Variants in FARS2 observed in about 807,000 individuals in gnomAD.
FARS2 encodes phenylalanyl-tRNA synthetase 2, mitochondrial, also known as phenylalanine--tRNA ligase, mitochondrial.
A neutral mutation model predicts 46.4 loss-of-function variants in FARS2; 40 were observed. The observed-to-expected ratio is 0.86, with a 90% CI of 0.67 to 1.12. The LOEUF (loss-of-function observed/expected upper bound fraction) is 1.12, where lower values mean the gene tolerates loss of function less well. Among genes scored for constraint, FARS2 ranks in the 50% most tolerant of loss-of-function variants. The pLI is 0.00. For missense variants in FARS2, 513 were observed against 567.9 expected (o/e 0.90, Z 0.98); for synonymous variants, 234 against 214.9 (o/e 1.09, Z -0.78).
chr6:5,312,818 T>A (rs985738690), intron 1 of FARS2, among the ~76,000 whole-genome samples: 2 of 152,228 alleles, frequency 1.3e-5, no homozygotes, highest in South Asian at 2.1e-4. Flanking sequence ...CAGCCCTTTT[T>A]TTTAGGCTTA....
intron 5 of FARS2, among the ~76,000 whole-genome samples, chr6:5,570,368 G>T (rs1411172557): frequency 6.6e-6 from 1 of 152,170 alleles, no homozygotes; most frequent in Non-Finnish European, 1.5e-5. Flanking sequence ...GTATTATGGT[G>T]TGCACTTTGC....
chr6:5,754,596 T>C (rs924362474), intron 6 of FARS2, among the ~76,000 whole-genome samples: 1 of 152,262 alleles, frequency 6.6e-6, no homozygotes, highest in African/African-American at 2.4e-5. Flanking sequence ...TTCTTAGGTC[T>C]TTCTTCAAAG....
chr6:5,465,119 A>T (rs945772512), intron 4 of FARS2, among the ~76,000 whole-genome samples: 1 of 152,220 alleles, frequency 6.6e-6, no homozygotes. Context: ...AGGAATAGAT[A>T]TGTGGAACAT....
chr6:5,541,392 G>A (rs955365315), intron 4 of FARS2, among the ~76,000 whole-genome samples: 4 of 152,098 alleles, frequency 2.6e-5, no homozygotes, highest in Admixed American at 6.5e-5. Context: ...AGTTTTGAAG[G>A]ATATATACAG....
rs1488058702 is a variant in FARS2, at chr6:5,343,429, C to T, written c.-21-25121C>T. Among the ~76,000 whole-genome samples, 1 of 152,102 alleles carries T rather than the reference C, an allele frequency of 6.6e-6. No homozygotes were observed. Among genetic ancestry groups the T allele is most frequent in the African/African-American group, 2.4e-5 (1 of 41,392 alleles). ...GTTTCATCATATTGGTCAGGCTGGT[C>T]TGGAACTCCTGACCTCAGGTGATCC... On this transcript the variant is annotated intron_variant, in intron 1 of 6. Coordinates refer to ENST00000274680, the MANE Select transcript of FARS2 (RefSeq NM_006567.5). The surrounding 1 kb of genome is among the most constrained non-coding windows in gnomAD (Gnocchi z 4.5).
intron 6 of FARS2, among the ~76,000 whole-genome samples, chr6:5,761,808 T>TAAA (rs79057006): frequency 3.8e-5 from 4 of 105,918 alleles, no homozygotes; most frequent in African/African-American, 9.8e-5. Context: ...GTGGAGGATC[T>TAAA]AAAAAAAAAA....
At chr6:5,414,508 C>T (rs1762107665) in intron 3 of FARS2, among the ~76,000 whole-genome samples, 2 of 152,274 alleles carry the variant, frequency 1.3e-5, no homozygotes, top group Middle Eastern at 3.4e-3. Flanking sequence ...TCAAGGAAAT[C>T]CTATTGTATG....
chr6:5,365,514 T>TAA (rs1758615544), intron 1 of FARS2, among the ~76,000 whole-genome samples: 3 of 142,692 alleles, frequency 2.1e-5, no homozygotes, highest in African/African-American at 7.7e-5. Flanking sequence ...AATAAAATTT[T>TAA]TTTTTTTTTT....
chr6:5,700,772 A>G (rs1338653049), intron 6 of FARS2, among the ~76,000 whole-genome samples: 9 of 152,180 alleles, frequency 5.9e-5, no homozygotes, highest in Non-Finnish European at 4.4e-5. Flanking sequence ...GACAGAAATC[A>G]GGATCCTTGA....
intron 5 of FARS2, among the ~76,000 whole-genome samples, chr6:5,605,124 C>T (rs765346910): frequency 3.9e-5 from 6 of 152,182 alleles, no homozygotes; most frequent in Middle Eastern, 3.4e-3. Context: ...ATCTAAAAAG[C>T]GAAAATGAAA....
chr6:5,299,060 T>C (rs1352319980), intron 1 of FARS2, among the ~76,000 whole-genome samples: 1 of 152,196 alleles, frequency 6.6e-6, no homozygotes, highest in East Asian at 1.9e-4. Context: ...GTTGCTAAAA[T>C]ATAGATCTAG....
At chr6:5,401,623 T>C (rs530926410) in intron 2 of FARS2, among the ~76,000 whole-genome samples, 1 of 151,990 alleles carries the variant, frequency 6.6e-6, no homozygotes, top group African/African-American at 2.4e-5. Flanking sequence ...ACAAGGCTCA[T>C]GCTTTGGTAA....
intron 1 of FARS2, among the ~76,000 whole-genome samples, chr6:5,312,830 A>C (rs962388070): frequency 3.9e-5 from 6 of 152,150 alleles, no homozygotes; most frequent in Non-Finnish European, 7.4e-5. Context: ...TTAGGCTTAC[A>C]TCTGGGGCTT....
At chr6:5,424,227 C>T (rs1450390711) in intron 3 of FARS2, among the ~76,000 whole-genome samples, 1 of 152,152 alleles carries the variant, frequency 6.6e-6, no homozygotes. Context: ...GCCTTGGCGC[C>T]TGTGGAAAGT....
rs775731412 is a variant in FARS2 at position 5,432,314 on chromosome 6, TAAAAA to T, written c.904+1152_904+1156del. Among the ~76,000 whole-genome samples, 126 of 97,444 alleles carry T rather than the reference TAAAAA, an allele frequency of 1.3e-3. 1 individual carries two copies. The highest frequency in any genetic ancestry group is 2.0e-3 in the Non-Finnish European group (104 of 53,258). The allele number at this position is 97,444 out of a possible 152,430, so 63.9% of individuals were successfully genotyped here. ...TGGGCGAAAGAGCAACACTCAGTCT[TAAAAA>T]AAAAAAAAATATATATATATATATA... On this transcript the variant is annotated intron_variant, in intron 4 of 6. Transcript: ENST00000274680.
At chr6:5,480,453 T>C (rs958646486) in intron 4 of FARS2, among the ~76,000 whole-genome samples, 2 of 152,232 alleles carry the variant, frequency 1.3e-5, no homozygotes, top group African/African-American at 4.8e-5. Flanking sequence ...GTTTATTGTA[T>C]CCGGTGTTTC....
intron 5 of FARS2, among the ~76,000 whole-genome samples, chr6:5,564,321 G>A (rs1427015918): frequency 2.0e-5 from 3 of 152,070 alleles, no homozygotes; most frequent in Admixed American, 1.3e-4. Flanking sequence ...GAAACCTCCG[G>A]GTTATGGGCA....
chr6:5,548,302 A>G (rs1771165222), intron 5 of FARS2, among the ~76,000 whole-genome samples: 2 of 152,186 alleles, frequency 1.3e-5, no homozygotes, highest in African/African-American at 4.8e-5. Context: ...TATGATTTTT[A>G]TGAGTGTATT....
intron 4 of FARS2, among the ~76,000 whole-genome samples, chr6:5,543,327 C>T (rs756844178): frequency 2.0e-5 from 3 of 151,362 alleles, no homozygotes; most frequent in African/African-American, 2.4e-5. Context: ...TCAGCTAGAG[C>T]GAATGGGGAT....
Sources: allele counts gnomAD v4.1 joint callset (sites outside exome capture counted in the v4.1 genomes callset), GRCh38; gene constraint gnomAD v4.1.1; non-coding constraint Gnocchi (gnomAD v3.1); transcripts MANE v1.5; gene names NCBI Gene and HGNC (gene_info 2026-07-23, HGNC 2026-07-21).